Variants in HCN1 observed in about 807,000 individuals in gnomAD.
HCN1 encodes potassium/sodium hyperpolarization-activated cyclic nucleotide-gated channel 1.
A neutral mutation model predicts 78.9 loss-of-function variants in HCN1; 13 were observed. The ratio of observed to expected loss-of-function variants is 0.16; its 90% CI spans 0.11 to 0.26. The LOEUF (loss-of-function observed/expected upper bound fraction) is 0.26. Among genes scored for constraint, HCN1 ranks in the 10% least tolerant of loss-of-function variants. HCN1 has a pLI of 1.00. For missense variants in HCN1, 810 were observed against 1,154.3 expected (o/e 0.70, Z 4.32); for synonymous variants, 552 against 455.5 (o/e 1.21, Z -2.70).
In HCN1 at chr5:45,683,917, C is replaced by T. The variant is rs113451230; in HGVS notation, c.425+11752G>A. Among the ~76,000 whole-genome samples the T allele has an allele frequency of 6.2e-3, 942 of 152,122 alleles. 6 individuals are homozygous for T. The highest frequency in any genetic ancestry group is 0.022 in the African/African-American group (896 of 41,506). On this transcript the variant is annotated intron_variant, in intron 1 of 7. Coordinates refer to ENST00000303230, the MANE Select transcript of HCN1 (RefSeq NM_021072.4). ...AACTCCTGAGCTCAAGAGAGCTGCC[C>T]GCCTCAGCCTCCCAAAGTGCTAGGA...
At chr5:45,437,706 T>C (rs1579894367) in intron 3 of HCN1, among the ~76,000 whole-genome samples, 1 of 152,144 alleles carries the variant, frequency 6.6e-6, no homozygotes, top group African/African-American at 2.4e-5. Context: ...TGACAAAAAA[T>C]ACAAGATACA....
chr5:45,690,995 T>G (rs1739901767), intron 1 of HCN1, among the ~76,000 whole-genome samples: 1 of 152,118 alleles, frequency 6.6e-6, no homozygotes, highest in South Asian at 2.1e-4. Flanking sequence ...ACTAAATGCA[T>G]TCTGCTGGTT....
intron 2 of HCN1, among the ~76,000 whole-genome samples, chr5:45,605,582 T>C (rs1447904760): frequency 6.6e-6 from 1 of 151,706 alleles, no homozygotes; most frequent in East Asian, 1.9e-4. Context: ...ATTATCAAAA[T>C]TAAAAAAAAA....
At chr5:45,463,454 C>T (rs1016270025) in intron 2 of HCN1, among the ~76,000 whole-genome samples, 1 of 151,900 alleles carries the variant, frequency 6.6e-6, no homozygotes. Context: ...AGAAAGTTGG[C>T]AGTTCTAATT....
chr5:45,425,732 A>C (rs1195306291), intron 3 of HCN1, among the ~76,000 whole-genome samples: 1 of 152,176 alleles, frequency 6.6e-6, no homozygotes, highest in Non-Finnish European at 1.5e-5. Flanking sequence ...GAATCATTGG[A>C]ATTCAAGGAT....
intron 2 of HCN1, among the ~76,000 whole-genome samples, chr5:45,493,689 C>A (rs551478576): frequency 1.3e-5 from 2 of 150,870 alleles, no homozygotes; most frequent in African/African-American, 2.4e-5. Flanking sequence ...CATGCTGGTG[C>A]GCTGCACCCA....
At chr5:45,325,547 T>A (rs1406554552) in intron 5 of HCN1, among the ~76,000 whole-genome samples, 1 of 151,666 alleles carries the variant, frequency 6.6e-6, no homozygotes, top group Non-Finnish European at 1.5e-5. Flanking sequence ...ACACATACAT[T>A]CCATTATTAA....
intron 2 of HCN1, among the ~76,000 whole-genome samples, chr5:45,522,683 C>A (rs1051312496): frequency 1.3e-5 from 2 of 149,242 alleles, no homozygotes; most frequent in South Asian, 4.2e-4. Flanking sequence ...CAAAAAATAT[C>A]TTTTGGAAAC....
chr5:45,658,331 A>C (rs2112052288), intron 1 of HCN1, among the ~76,000 whole-genome samples: 1 of 152,346 alleles, frequency 6.6e-6, no homozygotes. Context: ...GGCATGGGCA[A>C]GGACTTCATG....
At chr5:45,623,721 A>G (rs1311604177) in intron 2 of HCN1, among the ~76,000 whole-genome samples, 1 of 152,200 alleles carries the variant, frequency 6.6e-6, no homozygotes, top group Non-Finnish European at 1.5e-5. Context: ...GGACAACACA[A>G]TAATGAAACA....
At chr5:45,356,714 A>T (rs1747013200) in intron 4 of HCN1, among the ~76,000 whole-genome samples, 1 of 151,990 alleles carries the variant, frequency 6.6e-6, no homozygotes, top group South Asian at 2.1e-4. Context: ...TCTTGTTCAG[A>T]TAACTCTAAG....
At chr5:45,423,933 A>G (rs1408433061) in intron 3 of HCN1, among the ~76,000 whole-genome samples, 1 of 152,040 alleles carries the variant, frequency 6.6e-6, no homozygotes, top group Admixed American at 6.6e-5. Flanking sequence ...TGCTAAATTC[A>G]TTGCTTAAAG....
At chr5:45,535,983 G>A (rs1018176193) in intron 2 of HCN1, among the ~76,000 whole-genome samples, 1 of 152,026 alleles carries the variant, frequency 6.6e-6, no homozygotes, top group East Asian at 1.9e-4. Flanking sequence ...CAGAATTCTG[G>A]TTGACAGTGT....
At chr5:45,542,801 A>G (rs1171164989) in intron 2 of HCN1, among the ~76,000 whole-genome samples, 1 of 152,168 alleles carries the variant, frequency 6.6e-6, no homozygotes, top group Non-Finnish European at 1.5e-5. Flanking sequence ...AAGCTATTAC[A>G]CTGAAATATT....
chr5:45,556,745 T>C (rs1579967149), intron 2 of HCN1, among the ~76,000 whole-genome samples: 1 of 151,958 alleles, frequency 6.6e-6, no homozygotes, highest in African/African-American at 2.4e-5. Context: ...CCCAAACTGA[T>C]TCTTTCCCTT....
At chr5:45,453,178 C>A (rs556822336) in intron 3 of HCN1, among the ~76,000 whole-genome samples, 1 of 152,078 alleles carries the variant, frequency 6.6e-6, no homozygotes, top group South Asian at 2.1e-4. Context: ...GAATGATAAC[C>A]TTGAACTCTT....
intron 2 of HCN1, among the ~76,000 whole-genome samples, chr5:45,536,016 T>C (rs529118134): frequency 1.2e-4 from 19 of 152,334 alleles, no homozygotes; most frequent in Admixed American, 3.9e-4. Flanking sequence ...TTTTTAGTTT[T>C]GCTCCCCATC....
At chr5:45,657,085 T>G (rs1453738979) in intron 1 of HCN1, among the ~76,000 whole-genome samples, 1 of 152,166 alleles carries the variant, frequency 6.6e-6, no homozygotes, top group Non-Finnish European at 1.5e-5. Flanking sequence ...TTTCCAGGTC[T>G]GTAACAAATA....
chr5:45,292,435 CAG>C (rs1289026777), intron 6 of HCN1, among the ~76,000 whole-genome samples: 1 of 151,950 alleles, frequency 6.6e-6, no homozygotes, highest in African/African-American at 2.4e-5. Context: ...TTCATCACAA[CAG>C]AAAGTTCTGC....
Sources: gnomAD v4.1 joint callset for allele counts (sites outside exome capture counted in the v4.1 genomes callset) on GRCh38, gnomAD v4.1.1 for gene constraint, MANE v1.5 for transcripts, NCBI Gene and HGNC (gene_info 2026-07-23, HGNC 2026-07-21) for gene names.